SORT1: variants seen among roughly 807,000 people sequenced by gnomAD.
SORT1 encodes the protein sortilin 1.
Under a neutral mutation model 101.7 loss-of-function variants are expected in SORT1, and 39 were observed. The ratio of observed to expected loss-of-function variants is 0.38; its 90% CI spans 0.30 to 0.50. SORT1 has a LOEUF of 0.50. Ranked by LOEUF, SORT1 falls within the 20% of genes least tolerant of loss-of-function variation. The pLI is 0.90. For synonymous variants in SORT1, 396 were observed against 393.7 expected, an observed-to-expected ratio of 1.01 and a Z score of -0.07; for missense variants, 878 against 1,040.4, an observed-to-expected ratio of 0.84 and a Z score of 2.15.
chr1:109,331,422 A>C (rs1648446113), intron 11 of SORT1, among the ~76,000 whole-genome samples: 1 of 152,176 alleles, frequency 6.6e-6, no homozygotes, highest in South Asian at 2.1e-4. Context: ...ACACCCATTC[A>C]TGATAAAAAC....
intron 3 of SORT1, among the ~76,000 whole-genome samples, chr1:109,357,365 G>C (rs952633915): frequency 6.6e-6 from 1 of 152,222 alleles, no homozygotes; most frequent in Non-Finnish European, 1.5e-5. Context: ...GGTTTTGGTA[G>C]CGGCCTCAAC....
intron 1 of SORT1, among the ~76,000 whole-genome samples, chr1:109,383,353 A>G (rs1196998543): frequency 6.6e-6 from 1 of 152,210 alleles, no homozygotes; most frequent in Non-Finnish European, 1.5e-5. Flanking sequence ...TGCTGTGATA[A>G]TACATGCTCT....
At chr1:109,325,907 G>A (rs973207975) in intron 13 of SORT1, among the ~76,000 whole-genome samples, 7 of 152,162 alleles carry the variant, frequency 4.6e-5, no homozygotes, top group Non-Finnish European at 7.4e-5. Context: ...TGACTGAGAC[G>A]CAAGAATCAT....
In SORT1 at chr1:109,312,723, A is replaced by G. The variant is rs1376191124; in HGVS notation, c.*1320T>C. On this transcript the variant is annotated 3_prime_UTR_variant, in exon 20 of 20. Coordinates refer to ENST00000256637, the MANE Select transcript of SORT1 (RefSeq NM_002959.7). Reference sequence around the variant, plus strand: ...AAACTAATTATTGCAGCTTTCCATTACTATATGGCCACCCCAAAATCCACC... The same window carrying G: ...AAACTAATTATTGCAGCTTTCCATTGCTATATGGCCACCCCAAAATCCACC... The G allele has an allele frequency of 6.6e-6, 1 of 152,476 alleles. No homozygotes were observed. The highest frequency in any genetic ancestry group is 6.5e-5 in the Admixed American group (1 of 15,276). The allele number at this position is 152,476 out of a possible 1,614,324, so 9.4% of individuals were successfully genotyped here.
chr1:109,382,967 C>G (rs1652336576), intron 1 of SORT1, among the ~76,000 whole-genome samples: 1 of 152,086 alleles, frequency 6.6e-6, no homozygotes, highest in Non-Finnish European at 1.5e-5. Flanking sequence ...AGGTTCTGTT[C>G]ACAAGATTCT....
Position 109,313,875 on chromosome 1 carries a change from C to A in SORT1, c.*168G>T. ...TAAAAAAGTGCTCAGGGTTCCCCAC[C>A]CCCACCCTGCATTTCTTTAGTGTAG... is the stretch of plus-strand genomic sequence containing the variant. On this transcript the variant is annotated 3_prime_UTR_variant, in exon 20 of 20. Coordinates refer to ENST00000256637, the MANE Select transcript of SORT1 (RefSeq NM_002959.7). 1 of 544,358 alleles carries A rather than the reference C, an allele frequency of 1.8e-6. No individual in the cohort carries two copies. 33.7% of individuals were successfully genotyped at this position (544,358 alleles called of 1,614,324 possible). A position where few individuals can be genotyped will look rare whatever the true frequency, so the allele number is the denominator to read the frequency against.
chr1:109,326,512 TACAC>T, intron 13 of SORT1, among the ~76,000 whole-genome samples: 1 of 83,374 alleles, frequency 1.2e-5, no homozygotes, highest in East Asian at 3.6e-4. Context: ...TATACACACA[TACAC>T]ATATATATAC....
chr1:109,334,071 G>A (rs1440495953), intron 11 of SORT1, among the ~76,000 whole-genome samples: 2 of 152,234 alleles, frequency 1.3e-5, no homozygotes, highest in South Asian at 2.1e-4. Context: ...ACCTGAACCC[G>A]GGAGGCGGAG....
intron 3 of SORT1, among the ~76,000 whole-genome samples, chr1:109,366,019 G>A (rs953092046): frequency 6.6e-6 from 1 of 152,160 alleles, no homozygotes; most frequent in African/African-American, 2.4e-5. Flanking sequence ...CCTGACCCTA[G>A]GGTAGTTTCT....
At position 109,327,591 on chromosome 1, in the gene SORT1, T is replaced by C; in HGVS notation, c.1382A>G (p.His461Arg). 2 of 1,603,416 alleles carry C rather than the reference T, an allele frequency of 1.2e-6. No homozygotes were observed. The highest frequency in any genetic ancestry group is 2.3e-5 in the East Asian group (1 of 44,422). ...GGAGATGCTGTAGGAAGCATGAATA[T>C]GAAGGCTGCACTGTGAAAAGAAACA... Reference protein sequence around the residue: ...TAKNKNECSLHIHASYSISQK... With the variant: ...TAKNKNECSLRIHASYSISQK... The change falls in exon 12 of 20, where the codon CAT becomes CGT. Residue 461 changes from histidine (H) to arginine (R), a missense_variant. His to Arg is a conservative substitution (Grantham distance 29, BLOSUM62 0). Coordinates refer to ENST00000256637, the MANE Select transcript of SORT1 (RefSeq NM_002959.7).
At chr1:109,397,379 T>C (rs1294447284) in intron 1 of SORT1, 1 of 164,478 alleles carries the variant, frequency 6.1e-6, no homozygotes, top group Admixed American at 6.4e-5. Context: ...AAGTCTAAGA[T>C]TGCCTCCCCT....
chr1:109,328,920 C>G (rs1379905614), intron 11 of SORT1, among the ~76,000 whole-genome samples: 1 of 152,206 alleles, frequency 6.6e-6, no homozygotes, highest in African/African-American at 2.4e-5. Flanking sequence ...CACCCCTGCA[C>G]CAGGCTGGCT....
At chr1:109,326,464 TAC>T (rs1295210196) in intron 13 of SORT1, among the ~76,000 whole-genome samples, 14,960 of 63,410 alleles carry the variant, frequency 0.24, 1,807 homozygotes, top group East Asian at 0.33. Flanking sequence ...TATATATATA[TAC>T]ATACACACAC....
At position 109,332,974 on chromosome 1, in the gene SORT1, C is replaced by CTGGA. The variant is rs565035857; in HGVS notation, c.1371+3262_1371+3265dup. Among the ~76,000 whole-genome samples, 36 of 152,264 alleles carry CTGGA rather than the reference C, an allele frequency of 2.4e-4. 2 individuals carry two copies. In the South Asian group the frequency reaches 7.5e-3, roughly 32 times the overall value. Reference sequence around the variant, plus strand: ...GATGGAGTCTTGCTCTGTCGCCAGGCTGGAGTGCAATGGTGCGGTCTCGGC... The same window carrying CTGGA: ...GATGGAGTCTTGCTCTGTCGCCAGGCTGGATGGAGTGCAATGGTGCGGTCTCGGC... On this transcript the variant is annotated intron_variant, in intron 11 of 19. Coordinates refer to ENST00000256637, the MANE Select transcript of SORT1 (RefSeq NM_002959.7).
At chr1:109,395,185 C>T (rs1384126215) in intron 1 of SORT1, among the ~76,000 whole-genome samples, 1 of 140,620 alleles carries the variant, frequency 7.1e-6, no homozygotes, top group African/African-American at 2.7e-5. Context: ...GAAGAGACCA[C>T]GGATGACTAA....
intron 1 of SORT1, among the ~76,000 whole-genome samples, chr1:109,396,169 ACT>A (rs1388171151): frequency 2.0e-5 from 3 of 152,138 alleles, no homozygotes; most frequent in South Asian, 2.1e-4. Flanking sequence ...CTGAGGTAAG[ACT>A]CTATCTCACA....
chr1:109,315,133 G>GT (rs1337245159), intron 17 of SORT1, among the ~76,000 whole-genome samples: 1 of 152,202 alleles, frequency 6.6e-6, no homozygotes, highest in Non-Finnish European at 1.5e-5. Context: ...GGAGACTACT[G>GT]TAACAGTAGG....
rs187091788 is a variant in SORT1, at chr1:109,335,458, G to A, written c.1371+782C>T. On this transcript the variant is annotated intron_variant, in intron 11 of 19. Coordinates refer to ENST00000256637, the MANE Select transcript of SORT1 (RefSeq NM_002959.7). ...GTAAAGGAGGAGAGTGTGTTGGGGT[G>A]GTGTAGGAAGGCACACTTTCTCTCA... Among the ~76,000 whole-genome samples, 21 of 152,156 alleles carry A rather than the reference G, an allele frequency of 1.4e-4. No homozygotes were observed. The East Asian group carries it at 3.5e-3, about 25-fold the overall frequency.
At chr1:109,330,416 TA>T (rs869278906) in intron 11 of SORT1, among the ~76,000 whole-genome samples, 1 of 75,334 alleles carries the variant, frequency 1.3e-5, no homozygotes. Flanking sequence ...CAAAGGGAAA[TA>T]AAAAAAACTT....
Sources: gnomAD v4.1 joint callset for allele counts (sites outside exome capture counted in the v4.1 genomes callset) on GRCh38, gnomAD v4.1.1 for gene constraint, MANE v1.5 for transcripts, NCBI Gene and HGNC (gene_info 2026-07-23, HGNC 2026-07-21) for gene names.